LRRC40: variants seen among roughly 807,000 people sequenced by gnomAD.
The protein encoded by LRRC40 is leucine-rich repeat-containing protein 40.
LRRC40 carries 76 observed loss-of-function variants against 72.8 expected under a neutral mutation model. The ratio of observed to expected loss-of-function variants is 1.04; its 90% confidence interval spans 0.87 to 1.26. LRRC40 has a LOEUF of 1.26. Among genes scored for constraint, LRRC40 ranks in the 50% most tolerant of loss-of-function variants. The pLI, the probability that LRRC40 is intolerant of heterozygous loss-of-function variation, is 0.00. For synonymous variants in LRRC40, 243 were observed against 254.2 expected (o/e 0.96, Z 0.42); for missense variants, 684 against 698.9 (o/e 0.98, Z 0.24).
intron 14 of LRRC40, chr1:70,146,945 C>T (rs369473925): frequency 2.6e-5 from 4 of 152,030 alleles, no homozygotes; most frequent in East Asian, 3.8e-4. Context: ...AAGGACTCAA[C>T]CATATTGTTG....
intron 6 of LRRC40, among the ~76,000 whole-genome samples, chr1:70,177,727 T>C (rs569019045): frequency 1.3e-5 from 2 of 152,318 alleles, no homozygotes; most frequent in Admixed American, 6.5e-5. Flanking sequence ...GCAGATGATA[T>C]AAACTTATGG....
chr1:70,196,378 C>T (rs559466045), intron 1 of LRRC40, among the ~76,000 whole-genome samples: 3 of 151,976 alleles, frequency 2.0e-5, no homozygotes, highest in Non-Finnish European at 4.4e-5. Context: ...AGCAAGACTT[C>T]GTCTCTATTA....
At chr1:70,156,065 T>C (rs1291916536) in intron 10 of LRRC40, among the ~76,000 whole-genome samples, 1 of 152,118 alleles carries the variant, frequency 6.6e-6, no homozygotes, top group Non-Finnish European at 1.5e-5. Flanking sequence ...TATTTATCTT[T>C]GGAGTCTAAG....
In LRRC40 at chr1:70,175,910, C is replaced by G; in HGVS notation, c.877G>C (p.Val293Leu). The G allele has an allele frequency of 6.2e-7, 1 of 1,601,898 alleles. No individual in the cohort carries two copies. The highest frequency in any genetic ancestry group is 8.5e-7 in the Non-Finnish European group (1 of 1,176,028). The stretch of plus-strand genomic sequence containing the variant: ...AACTTGTTATCCCTCAGGTCTAGCA[C>G]AAGAATTGAATTCAGATGTTTAAGA... ...EHLKHLNSIL[V>L]LDLRDNKLKS... is the part of the protein sequence containing the mutation. The change falls in exon 7 of 15, where the codon GTG (valine) becomes CTG (leucine). Residue 293 changes from valine (V) to leucine (L), a missense_variant. Coordinates refer to ENST00000370952, the MANE Select transcript of LRRC40 (RefSeq NM_017768.5).
chr1:70,168,859 C>T (rs1667943339), intron 9 of LRRC40, among the ~76,000 whole-genome samples: 1 of 152,116 alleles, frequency 6.6e-6, no homozygotes, highest in Non-Finnish European at 1.5e-5. Context: ...TCATAAAATA[C>T]TTTGAGATAA....
At chr1:70,163,346 C>G (rs1281445731) in intron 9 of LRRC40, among the ~76,000 whole-genome samples, 4 of 152,162 alleles carry the variant, frequency 2.6e-5, no homozygotes, top group African/African-American at 9.7e-5. Flanking sequence ...CTCGGCCTCC[C>G]AAAGTGCTGG....
At chr1:70,197,808 A>C (rs57136860) in intron 1 of LRRC40, among the ~76,000 whole-genome samples, 1 of 151,918 alleles carries the variant, frequency 6.6e-6, no homozygotes, top group African/African-American at 2.4e-5. Context: ...GGCTGGGTGC[A>C]GTGGCTCATG....
intron 1 of LRRC40, among the ~76,000 whole-genome samples, chr1:70,203,442 A>G (rs993106508): frequency 1.3e-5 from 2 of 152,106 alleles, no homozygotes; most frequent in African/African-American, 4.8e-5. Flanking sequence ...TGTCCAAGCT[A>G]GAGTGCAGTG....
At chr1:70,187,861 AGAG>A (rs768503754) in intron 2 of LRRC40, among the ~76,000 whole-genome samples, 4 of 151,236 alleles carry the variant, frequency 2.6e-5, no homozygotes, top group Non-Finnish European at 4.4e-5. Flanking sequence ...AGAGAAGAGA[AGAG>A]AAGAGAAGAG....
Position 70,184,866 on chromosome 1 carries a change from G to C in LRRC40, c.456C>G (p.Asn152Lys). Residue 152 changes from asparagine to lysine, a missense_variant, in exon 4 of 15, where the codon AAC becomes AAG. By Grantham distance (94) the Asn-to-Lys change is moderately conservative (BLOSUM62 0). Coordinates refer to ENST00000370952, the MANE Select transcript of LRRC40 (RefSeq NM_017768.5). Reference protein sequence around the residue: ...ILPEEITNLRNLKCLYLQHNE... With the variant: ...ILPEEITNLRKLKCLYLQHNE... ...TATGCTGGAGATACAGGCACTTCAG[G>C]TTTCTTAGGTTTGTAATTTCTTCAG... 6.2e-7 allele frequency: 1 copy of C among 1,609,388 alleles called. No homozygotes were observed. Among genetic ancestry groups the C allele is most frequent in the African/African-American group, 1.3e-5 (1 of 74,782 alleles).
chr1:70,151,001 G>GA, intron 13 of LRRC40, 127 bp downstream of exon 13: 1 of 546,550 alleles, frequency 1.8e-6, no homozygotes, highest in Non-Finnish European at 3.3e-6. Context: ...AGAACTAAGT[G>GA]AAAATAAAAT....
At chr1:70,160,705 TAGCATCA>T (rs1406371306) in intron 9 of LRRC40, among the ~76,000 whole-genome samples, 1 of 152,026 alleles carries the variant, frequency 6.6e-6, no homozygotes, top group African/African-American at 2.4e-5. Context: ...TTTTAATAAT[TAGCATCA>T]AGGAGAATAT....
intron 6 of LRRC40, among the ~76,000 whole-genome samples, chr1:70,178,410 T>C (rs773639134): frequency 2.0e-5 from 3 of 152,188 alleles, no homozygotes; most frequent in South Asian, 4.1e-4. Context: ...AGGCAAATCA[T>C]GGCAAATTTA....
In LRRC40 at chr1:70,148,683, A is replaced by G. The variant is rs778409503; in HGVS notation, c.1518-11T>C. On this transcript the variant is annotated splice_polypyrimidine_tract_variant and intron_variant, in intron 13 of 14. Transcript: ENST00000370952. ...GGTAGCATTTTAAACCTATTAATAC[A>G]TGAACAGAACACCTAAATATACTGG... The G allele has an allele frequency of 6.4e-7, 1 of 1,561,858 alleles. No individual in the cohort carries two copies. Among genetic ancestry groups the G allele is most frequent in the Non-Finnish European group, 8.8e-7 (1 of 1,138,108 alleles).
At chr1:70,187,362 T>C (rs759772016) in intron 2 of LRRC40, 24 bp from the exon 3 acceptor site, 2 of 1,152,768 alleles carry the variant, frequency 1.7e-6, no homozygotes, top group Admixed American at 3.7e-5. Context: ...AAAGACAAAG[T>C]CAATATTCTT....
At chr1:70,173,152 G>A (rs1668033668) in intron 9 of LRRC40, among the ~76,000 whole-genome samples, 1 of 151,950 alleles carries the variant, frequency 6.6e-6, no homozygotes, top group Non-Finnish European at 1.5e-5. Context: ...CATATATCCT[G>A]AAAGTCAAGT....
Position 70,187,250 on chromosome 1 carries a change from A to G in LRRC40, c.407+15T>C. ...TATAAGGGCAATAATATAAGTAAAT[A>G]AGCTTAATTTTTACCTGACATTAAG... On this transcript the variant is annotated intron_variant, in intron 3 of 14. Coordinates refer to ENST00000370952, the MANE Select transcript of LRRC40 (RefSeq NM_017768.5). 5.2e-6 allele frequency: 7 copies of G among 1,353,244 alleles called. No homozygotes were observed. Among genetic ancestry groups the G allele is most frequent in the South Asian group, 4.8e-5 (4 of 82,904 alleles). 83.8% of individuals were successfully genotyped at this position (1,353,244 alleles called of 1,614,324 possible).
At chr1:70,188,657 G>T (rs954607381) in intron 2 of LRRC40, among the ~76,000 whole-genome samples, 1 of 152,020 alleles carries the variant, frequency 6.6e-6, no homozygotes. Context: ...AATTGCTGGA[G>T]TCCATAAGTT....
rs1434402406 is a variant in LRRC40, at chr1:70,187,286, T to C, written c.386A>G (p.Asn129Ser). The change falls in exon 3 of 15, where the codon AAT becomes AGT. Residue 129 changes from asparagine (N) to serine (S), a missense_variant. Transcript: ENST00000370952. ...TTACCTGACATTAAGTTTCTGAAGATTTTCTAGCTCTCTTATAGCAGAAGG... is the reference window on the plus strand; with the variant it reads ...TTACCTGACATTAAGTTTCTGAAGACTTTCTAGCTCTCTTATAGCAGAAGG... ...SLPSAIRELE[N>S]LQKLNVSHNK... 1.9e-6 allele frequency: 3 copies of C among 1,585,028 alleles called. No homozygotes were observed. The highest frequency in any genetic ancestry group is 2.7e-5 in the African/African-American group (2 of 74,142).
Sources: allele counts gnomAD v4.1 joint callset (sites outside exome capture counted in the v4.1 genomes callset), GRCh38; gene constraint gnomAD v4.1.1; transcripts MANE v1.5; gene names NCBI Gene and HGNC (gene_info 2026-07-23, HGNC 2026-07-21).